Variants in ZSCAN30 observed in about 807,000 individuals in gnomAD.
The protein encoded by ZSCAN30 is zinc finger and SCAN domain-containing protein 30.
A neutral mutation model predicts 44.3 loss-of-function variants in ZSCAN30; 37 were observed. The ratio of observed to expected loss-of-function variants is 0.84; its 90% CI spans 0.64 to 1.10. ZSCAN30 has a LOEUF of 1.10. ZSCAN30 is among the 50% of genes least tolerant of loss of function. ZSCAN30 has a pLI of 0.00. For missense variants in ZSCAN30, 549 were observed against 582.6 expected, an observed-to-expected ratio of 0.94 and a Z score of 0.59; for synonymous variants, 181 against 204.6, an observed-to-expected ratio of 0.88 and a Z score of 0.98.
chr18:35,271,450 A>AAACT (rs2143735728), intron 1 of ZSCAN30, among the ~76,000 whole-genome samples: 2 of 4,050 alleles, frequency 4.9e-4, no homozygotes, highest in Admixed American at 3.7e-3. Flanking sequence ...TACAAACCTT[A>AAACT]AGCTAGACAC....
intron 1 of ZSCAN30, 119 bp from the exon 2 acceptor site, chr18:35,264,574 G>A: frequency 3.9e-6 from 2 of 507,778 alleles, no homozygotes; most frequent in South Asian, 6.2e-5. Context: ...GACTAACAGG[G>A]CACTTCCACA....
At chr18:35,263,811 A>G (rs1030893159) in intron 2 of ZSCAN30, 134 bp downstream of exon 2, 8 of 1,392,602 alleles carry the variant, frequency 5.7e-6, no homozygotes, top group Non-Finnish European at 6.8e-6. Context: ...CTTGAACCCA[A>G]TGAGTGAATA....
In ZSCAN30 at chr18:35,254,276, T is replaced by C. The variant is rs2043709838; in HGVS notation, c.659A>G (p.His220Arg). The C allele has an allele frequency of 1.2e-6, 2 of 1,614,020 alleles. No individual in the cohort carries two copies. The highest frequency in any genetic ancestry group is 1.7e-5 in the Admixed American group (1 of 59,986). ...AGCTTCTTCAGCTATCCGTTGGGAA[T>C]GTGTTTCTCCAGGAAGTTTTCCCGG... is the stretch of plus-strand genomic sequence containing the variant. ...ISPGKLPGET[H>R]SQRIAEEALG... The change falls in exon 4 of 4, where the codon CAT becomes CGT. Residue 220 changes from histidine (H) to arginine (R), a missense_variant. Physicochemically the swap from His to Arg is conservative, Grantham distance 29. Transcript: ENST00000333206.
intron 3 of ZSCAN30, among the ~76,000 whole-genome samples, chr18:35,255,168 C>T (rs555731890): frequency 1.3e-5 from 2 of 151,322 alleles, no homozygotes; most frequent in Admixed American, 1.3e-4. Flanking sequence ...CTGCCCAGAG[C>T]CAGACCTTCT....
chr18:35,275,715 T>C (rs2044356584), intron 1 of ZSCAN30, among the ~76,000 whole-genome samples: 1 of 152,200 alleles, frequency 6.6e-6, no homozygotes, highest in Admixed American at 6.5e-5. Flanking sequence ...ATCTTTCCTA[T>C]CTTAAAAATT....
At chr18:35,288,151 C>G (rs377313783) in intron 1 of ZSCAN30, among the ~76,000 whole-genome samples, 6 of 152,290 alleles carry the variant, frequency 3.9e-5, no homozygotes, top group Non-Finnish European at 2.9e-5. Flanking sequence ...AGGAATTACA[C>G]GCTTGGGCCA....
Position 35,253,745 on chromosome 18 carries a change from C to G in ZSCAN30, c.1190G>C (p.Ser397Thr). The G allele has an allele frequency of 6.2e-7, 1 of 1,614,174 alleles. No individual in the cohort carries two copies. The highest frequency in any genetic ancestry group is 8.5e-7 in the Non-Finnish European group (1 of 1,180,016). Reference protein sequence around the residue: ...CGECGKAFSRSSALIQHKKIH... With the variant: ...CGECGKAFSRTSALIQHKKIH... ...TTTCTTATGCTGAATAAGGGCTGAG[C>G]TCCGGCTGAAGGCCTTCCCACATTC... The change falls in exon 4 of 4, where the codon AGC (serine) becomes ACC (threonine). Residue 397 changes from serine to threonine, a missense_variant. Transcript: ENST00000333206.
At chr18:35,263,242 TAAAA>T in intron 3 of ZSCAN30, 11 of 277,384 alleles carry the variant, frequency 4.0e-5, no homozygotes, top group Admixed American at 5.5e-5. Flanking sequence ...AGACCCCATC[TAAAA>T]AAAAAAAAAA....
Position 35,277,548 on chromosome 18 carries a change from T to G in ZSCAN30, c.-104+12536A>C, listed in dbSNP as rs546287341. Among the ~76,000 whole-genome samples, 3 of 152,272 alleles carry G rather than the reference T, an allele frequency of 2.0e-5. No individual in the cohort carries two copies. In the South Asian group the frequency reaches 6.2e-4, roughly 32 times the overall value. On this transcript the variant is annotated intron_variant, in intron 1 of 3. Coordinates refer to ENST00000333206, the MANE Select transcript of ZSCAN30 (RefSeq NM_001112734.4). Reference sequence around the variant, plus strand: ...TGGTTTTATAAGGGGCTTTTCCCCTTTTGCTTGGCACTTCTTCTTACCACC... The same window carrying G: ...TGGTTTTATAAGGGGCTTTTCCCCTGTTGCTTGGCACTTCTTCTTACCACC...
intron 3 of ZSCAN30, chr18:35,254,630 GT>G: frequency 1.7e-6 from 1 of 603,830 alleles, no homozygotes; most frequent in Non-Finnish European, 2.8e-6. Flanking sequence ...AAAGACATTA[GT>G]TAGAGGGAAT....
chr18:35,277,265 G>A (rs1165829353), intron 1 of ZSCAN30, among the ~76,000 whole-genome samples: 1 of 152,184 alleles, frequency 6.6e-6, no homozygotes, highest in Non-Finnish European at 1.5e-5. Flanking sequence ...GGACTTTTGG[G>A]TTAATGCTGG....
intron 1 of ZSCAN30, among the ~76,000 whole-genome samples, chr18:35,271,865 G>GC (rs1279783515): frequency 2.0e-5 from 3 of 152,180 alleles, no homozygotes; most frequent in Admixed American, 6.5e-5. Context: ...GGGACCCCGC[G>GC]CCCCCTCCGC....
At chr18:35,266,620 A>C (rs183018858) in intron 1 of ZSCAN30, 1 of 150,340 alleles carries the variant, frequency 6.7e-6, no homozygotes, top group Non-Finnish European at 1.5e-5. Context: ...TTTTTCATAC[A>C]TATCTAAACA....
At chr18:35,257,843 T>C in intron 3 of ZSCAN30, 1 of 780,140 alleles carries the variant, frequency 1.3e-6, no homozygotes, top group South Asian at 1.3e-5. Context: ...GCTCCAAGGA[T>C]TAGACCAAGC....
intron 3 of ZSCAN30, chr18:35,254,647 C>A: frequency 3.7e-6 from 2 of 543,572 alleles, no homozygotes; most frequent in Non-Finnish European, 6.4e-6. Context: ...GGAATGGTGA[C>A]AAACAGGAAT....
chr18:35,274,577 T>C (rs935210716), intron 1 of ZSCAN30, among the ~76,000 whole-genome samples: 3 of 152,232 alleles, frequency 2.0e-5, no homozygotes, highest in Non-Finnish European at 4.4e-5. Flanking sequence ...CCTTAGTCTC[T>C]GATTCCAACT....
At chr18:35,281,516 AG>A (rs1008043932) in intron 1 of ZSCAN30, 15 of 152,222 alleles carry the variant, frequency 9.9e-5, no homozygotes, top group African/African-American at 3.4e-4. Context: ...TTTGGGTAAA[AG>A]GTTAACAAAA....
At chr18:35,289,077 G>T (rs916275006) in intron 1 of ZSCAN30, among the ~76,000 whole-genome samples, 1 of 152,010 alleles carries the variant, frequency 6.6e-6, no homozygotes, top group Admixed American at 6.5e-5. Flanking sequence ...ATGGGTTCAC[G>T]CGATTCTCCT....
Position 35,253,819 on chromosome 18 carries a change from G to T in ZSCAN30, c.1116C>A (p.Leu372=), listed in dbSNP as rs1370284077. Residue 372 remains leucine (L), a synonymous_variant, in exon 4 of 4, where the codon CTC becomes CTA. Coordinates refer to ENST00000333206, the MANE Select transcript of ZSCAN30 (RefSeq NM_001112734.4). ...CGKAFRGSSE[L]IRHRRIHTGE... ...CAGTGTGGATTCTCCGATGCCTGAT[G>T]AGCTCTGAACTGCCCCTGAAGGCTT... 1.9e-6 allele frequency: 3 copies of T among 1,614,112 alleles called. No individual in the cohort carries two copies. Among genetic ancestry groups the T allele is most frequent in the Non-Finnish European group, 2.5e-6 (3 of 1,180,006 alleles).
Sources: gnomAD v4.1 joint callset for allele counts (sites outside exome capture counted in the v4.1 genomes callset) on GRCh38, gnomAD v4.1.1 for gene constraint, MANE v1.5 for transcripts, NCBI Gene and HGNC (gene_info 2026-07-23, HGNC 2026-07-21) for gene names.